The following DGKB variants were observed in gnomAD, a reference collection of about 807,000 sequenced individuals.
DGKB encodes diacylglycerol kinase beta, also known as 90 kDa diacylglycerol kinase.
A neutral mutation model predicts 114.3 loss-of-function variants in DGKB; 67 were observed. The ratio of observed to expected loss-of-function variants is 0.59; its 90% CI spans 0.48 to 0.72. DGKB has a LOEUF of 0.72. Ranked by LOEUF, DGKB falls within the 30% of genes least tolerant of loss-of-function variation. The pLI is 0.00. For missense variants in DGKB, 907 were observed against 975.2 expected (o/e 0.93, Z 0.93); for synonymous variants, 398 against 323.1 (o/e 1.23, Z -2.49).
intron 2 of DGKB, among the ~76,000 whole-genome samples, chr7:14,774,806 C>G (rs1343506621): frequency 1.3e-5 from 2 of 152,066 alleles, no homozygotes; most frequent in Non-Finnish European, 2.9e-5. Context: ...TAATTTCTTT[C>G]CTCCCTGTCT....
chr7:14,523,448 A>G (rs1169361446), intron 20 of DGKB, among the ~76,000 whole-genome samples: 1 of 152,164 alleles, frequency 6.6e-6, no homozygotes, highest in Admixed American at 6.5e-5. Flanking sequence ...AGTGCTCTAC[A>G]TTGAAGAACT....
chr7:14,545,093 C>T (rs1284909510), intron 20 of DGKB, among the ~76,000 whole-genome samples: 1 of 151,774 alleles, frequency 6.6e-6, no homozygotes, highest in Non-Finnish European at 1.5e-5. Flanking sequence ...TGTTTTATCT[C>T]TTTGTCAATT....
At chr7:14,778,081 T>C (rs139639900) in intron 2 of DGKB, among the ~76,000 whole-genome samples, 3 of 152,368 alleles carry the variant, frequency 2.0e-5, no homozygotes, top group Middle Eastern at 6.8e-3. Context: ...GTAAATTTTC[T>C]GACTTACTTG....
chr7:14,803,675 C>CATGT (rs10658306), intron 2 of DGKB, among the ~76,000 whole-genome samples: 67,354 of 151,528 alleles, frequency 0.44, 17,933 homozygotes, highest in African/African-American at 0.75. Context: ...GTTGTGTATG[C>CATGT]GTTTTGGTCT....
At chr7:14,952,871 A>G (rs911859423) in intron 1 of DGKB, among the ~76,000 whole-genome samples, 1 of 152,162 alleles carries the variant, frequency 6.6e-6, no homozygotes. Context: ...AGGATATTAT[A>G]TAAATCAATG....
At chr7:14,454,227 T>A (rs1163335273) in intron 21 of DGKB, among the ~76,000 whole-genome samples, 4 of 152,146 alleles carry the variant, frequency 2.6e-5, no homozygotes, top group Admixed American at 2.0e-4. Context: ...TAGTATTGAA[T>A]ACTACAACTT....
chr7:14,599,139 G>C (rs7809502), intron 17 of DGKB, among the ~76,000 whole-genome samples: 69,887 of 151,984 alleles, frequency 0.46, 16,240 homozygotes, highest in Middle Eastern at 0.5. Flanking sequence ...GCAAAAGCTG[G>C]ATTTAGAAAT....
intron 1 of DGKB, among the ~76,000 whole-genome samples, chr7:14,942,424 T>A (rs1461731861): frequency 6.6e-6 from 1 of 152,024 alleles, no homozygotes; most frequent in East Asian, 1.9e-4. Flanking sequence ...TTACATTATA[T>A]TTATATTATT....
At chr7:14,428,804 T>C (rs547176527) in intron 21 of DGKB, among the ~76,000 whole-genome samples, 459 of 152,150 alleles carry the variant, frequency 3.0e-3, no homozygotes, top group African/African-American at 0.01. Flanking sequence ...ATTCAGCTAA[T>C]GGCAAGATCT....
chr7:14,916,289 T>TTTTTA (rs397720620), intron 1 of DGKB, among the ~76,000 whole-genome samples: 2 of 151,258 alleles, frequency 1.3e-5, no homozygotes, highest in African/African-American at 4.9e-5. Context: ...GGAACGACTT[T>TTTTTA]AAAAAAAGAG....
At position 14,818,897 on chromosome 7, in the gene DGKB, T is replaced by A. The variant is rs558543316; in HGVS notation, c.70+22297A>T. Among the ~76,000 whole-genome samples, 69 of 152,280 alleles carry A rather than the reference T, an allele frequency of 4.5e-4. 1 individual carries two copies. The highest frequency in any genetic ancestry group is 6.8e-3 in the Middle Eastern group (2 of 294). ...TGGTGTTATGTGGAAGCACCGAGGT[T>A]TGAAGTCTGATTTAAGTGTCTACTA... On this transcript the variant is annotated intron_variant, in intron 2 of 25. Transcript: ENST00000402815.
intron 2 of DGKB, among the ~76,000 whole-genome samples, chr7:14,809,594 C>T (rs561993487): frequency 4.7e-4 from 72 of 152,100 alleles, no homozygotes; most frequent in Admixed American, 1.2e-3. Context: ...GAGTAAAGAA[C>T]GCATAACACT....
intron 20 of DGKB, among the ~76,000 whole-genome samples, chr7:14,481,189 A>G (rs1414909385): frequency 6.6e-6 from 1 of 151,958 alleles, no homozygotes; most frequent in Non-Finnish European, 1.5e-5. Context: ...TATTAGCCAT[A>G]TGTGTCTCAA....
chr7:14,196,538 G>A (rs1488760295), intron 23 of DGKB, among the ~76,000 whole-genome samples: 1 of 151,778 alleles, frequency 6.6e-6, no homozygotes, highest in Admixed American at 6.6e-5. Context: ...TTACTGTCTT[G>A]GATTACTAAA....
intron 21 of DGKB, among the ~76,000 whole-genome samples, chr7:14,424,547 A>G (rs1458371957): frequency 6.6e-6 from 1 of 152,086 alleles, no homozygotes; most frequent in Non-Finnish European, 1.5e-5. Flanking sequence ...ATTCTGCTAA[A>G]TGTATTATAT....
At chr7:14,784,586 A>G (rs1298658255) in intron 2 of DGKB, among the ~76,000 whole-genome samples, 1 of 152,050 alleles carries the variant, frequency 6.6e-6, no homozygotes, top group Admixed American at 6.6e-5. Flanking sequence ...TATGTTGGCC[A>G]GATTAGTCTC....
At chr7:14,932,526 C>A (rs193276056) in intron 1 of DGKB, among the ~76,000 whole-genome samples, 1 of 152,290 alleles carries the variant, frequency 6.6e-6, no homozygotes, top group East Asian at 1.9e-4. Context: ...GTTAATACTG[C>A]AAACCATAAA....
chr7:14,154,580 T>C (rs575410694), intron 25 of DGKB, among the ~76,000 whole-genome samples: 6 of 152,102 alleles, frequency 3.9e-5, no homozygotes, highest in African/African-American at 1.2e-4. Context: ...CAGTAAATGT[T>C]AACTATTAGT....
intron 23 of DGKB, among the ~76,000 whole-genome samples, chr7:14,236,231 C>T (rs913473652): frequency 6.6e-6 from 1 of 151,606 alleles, no homozygotes; most frequent in Admixed American, 6.6e-5. Context: ...ACAAATTAAC[C>T]AAGCTTCAGA....
Sources: allele counts gnomAD v4.1 joint callset (sites outside exome capture counted in the v4.1 genomes callset), GRCh38; gene constraint gnomAD v4.1.1; transcripts MANE v1.5; gene names NCBI Gene and HGNC (gene_info 2026-07-23, HGNC 2026-07-21).